The following COL4A5 variants were observed in gnomAD, a reference collection of about 807,000 sequenced individuals.
COL4A5 encodes collagen type IV alpha 5 chain, also known as collagen alpha-5(IV) chain.
Under a neutral mutation model 130.2 loss-of-function variants are expected in COL4A5, and 26 were observed. The ratio of observed to expected loss-of-function variants is 0.20; its 90% CI spans 0.15 to 0.28. The LOEUF (loss-of-function observed/expected upper bound fraction) is 0.28, where lower values mean the gene tolerates loss of function less well. Ranked by LOEUF, COL4A5 falls within the 10% of genes least tolerant of loss-of-function variation. The pLI, the probability that COL4A5 is intolerant of heterozygous loss-of-function variation, is 1.00. For missense variants in COL4A5, 1,131 were observed against 1,344.3 expected, an observed-to-expected ratio of 0.84 and a Z score of 2.48; for synonymous variants, 496 against 439.6, an observed-to-expected ratio of 1.13 and a Z score of -1.60.
chrX:108,638,572 A>C (rs2067396893), intron 36 of COL4A5, among the ~76,000 whole-genome samples: 1 of 111,934 alleles, frequency 8.9e-6, no homozygotes, highest in Non-Finnish European at 1.9e-5. Context: ...TAGCCAGACC[A>C]ATTAGGCAAG....
In COL4A5 at chrX:108,686,111, G is replaced by A; in HGVS notation, c.4297G>A (p.Gly1433Ser). The A allele has an allele frequency of 8.3e-7, 1 of 1,209,621 alleles. No homozygotes were observed. The highest frequency in any genetic ancestry group is 1.1e-6 in the Non-Finnish European group (1 of 894,106). ...TGCAGGAGGGCGCAAAGGAGACCCA[G>A]GTCTGCCAGGACAGCCAGGTAAGAC... Reference protein sequence around the residue: ...DGAGGRKGDPGLPGQPGTRGL... With the variant: ...DGAGGRKGDPSLPGQPGTRGL... The change falls in exon 48 of 53, where the codon GGT becomes AGT. Residue 1433 changes from glycine to serine, a missense_variant. By Grantham distance (56) the Gly-to-Ser change is moderately conservative. Coordinates refer to ENST00000328300, the MANE Select transcript of COL4A5 (RefSeq NM_033380.3).
At chrX:108,661,661 G>T (rs888999487) in intron 37 of COL4A5, among the ~76,000 whole-genome samples, 9 of 111,256 alleles carry the variant, frequency 8.1e-5, no homozygotes, top group African/African-American at 2.9e-4. Context: ...TATACTAAAT[G>T]ATATGGATAG....
At chrX:108,684,952 C>G (rs759887950) in intron 47 of COL4A5, among the ~76,000 whole-genome samples, 6 of 112,336 alleles carry the variant, frequency 5.3e-5, no homozygotes, top group Admixed American at 9.4e-5. Context: ...GTTCAACATA[C>G]ACAAATTAAT....
At chrX:108,659,582 G>C (rs1486203699) in intron 37 of COL4A5, among the ~76,000 whole-genome samples, 1 of 109,605 alleles carries the variant, frequency 9.1e-6, no homozygotes, top group African/African-American at 3.3e-5. Context: ...TTTTTATTAG[G>C]TATATATAAA....
Position 108,482,755 on chromosome X carries a change from C to T in COL4A5, c.81+42549C>T, listed in dbSNP as rs181928580. On this transcript the variant is annotated intron_variant, in intron 1 of 52. Transcript: ENST00000328300. ...CTCTACAAGGGCGAAGACTCTCACT[C>T]AGGACAATCTTAGCAGATTTGAGGC... Among the ~76,000 whole-genome samples the T allele has an allele frequency of 1.5e-3, 173 of 111,726 alleles. 1 individual carries two copies. Among genetic ancestry groups the T allele is most frequent in the Non-Finnish European group, 2.1e-3 (109 of 53,123 alleles).
chrX:108,679,051 C>T (rs770587066), intron 44 of COL4A5, among the ~76,000 whole-genome samples: 4 of 112,073 alleles, frequency 3.6e-5, no homozygotes, highest in Non-Finnish European at 7.5e-5. Context: ...AGCTGGAATA[C>T]TACATGAGTG....
chrX:108,478,689 A>T (rs1432833894), intron 1 of COL4A5, among the ~76,000 whole-genome samples: 1 of 111,939 alleles, frequency 8.9e-6, no homozygotes, highest in African/African-American at 3.2e-5. Flanking sequence ...TGCTTTAGCC[A>T]AAAAGTTAGT....
intron 1 of COL4A5, among the ~76,000 whole-genome samples, chrX:108,477,195 C>A (rs986586019): frequency 7.2e-5 from 8 of 111,800 alleles, no homozygotes; most frequent in African/African-American, 2.3e-4. Flanking sequence ...TGCTTTGTAT[C>A]CTTCAGTCGA....
At chrX:108,567,431 T>C (rs2065990793) in intron 4 of COL4A5, among the ~76,000 whole-genome samples, 1 of 112,330 alleles carries the variant, frequency 8.9e-6, no homozygotes, top group Non-Finnish European at 1.9e-5. Context: ...TCTTGCCATT[T>C]CCCTAGTGTT....
intron 21 of COL4A5, among the ~76,000 whole-genome samples, chrX:108,593,761 T>C (rs2066470492): frequency 8.9e-6 from 1 of 111,998 alleles, no homozygotes; most frequent in South Asian, 3.7e-4. Context: ...TTCTGTTCTG[T>C]TGTTTCATTA....
At chrX:108,631,953 C>G (rs1053763653) in intron 36 of COL4A5, among the ~76,000 whole-genome samples, 8 of 110,651 alleles carry the variant, frequency 7.2e-5, no homozygotes, top group Admixed American at 6.8e-4. Flanking sequence ...CAAAAGCTAG[C>G]AGAAGGCAGG....
intron 39 of COL4A5, among the ~76,000 whole-genome samples, 187 bp from the exon 40 acceptor site, chrX:108,666,946 A>G (rs1219123466): frequency 8.9e-6 from 1 of 112,545 alleles, no homozygotes; most frequent in African/African-American, 3.2e-5. Flanking sequence ...GAAATAGAAT[A>G]TATGTTTAGA....
chrX:108,696,112 A>G lies in COL4A5; in HGVS notation c.4995-185A>G, dbSNP rs901037662. ...TGGGGAGAATCGTTACAAAATATCT[A>G]TGACCACTAATGGCTCTTAAACCAT... On this transcript the variant is annotated intron_variant, in intron 52 of 52. Transcript: ENST00000328300. The G allele has an allele frequency of 5.6e-5, 24 of 426,551 alleles. No homozygotes were observed. The South Asian group carries it at 8.5e-4, about 15-fold the overall frequency. The allele number at this position is 426,551 out of a possible 1,213,427, so 35.2% of individuals were successfully genotyped here. A position where few individuals can be genotyped will look rare whatever the true frequency, so the allele number is the denominator to read the frequency against.
At chrX:108,557,185 A>G (rs1289948630) in intron 2 of COL4A5, among the ~76,000 whole-genome samples, 6 of 111,102 alleles carry the variant, frequency 5.4e-5, no homozygotes, top group Non-Finnish European at 7.5e-5. Context: ...ATGAAAATCT[A>G]CTGTAACTAG....
chrX:108,445,773 A>T (rs977050419), intron 1 of COL4A5, among the ~76,000 whole-genome samples: 9 of 111,984 alleles, frequency 8.0e-5, no homozygotes, highest in Non-Finnish European at 1.5e-4. Context: ...TGTTGATTTT[A>T]TATGGTAACA....
intron 1 of COL4A5, among the ~76,000 whole-genome samples, chrX:108,517,770 C>T (rs1391493763): frequency 5.4e-5 from 6 of 111,627 alleles, no homozygotes; most frequent in Non-Finnish European, 9.5e-5. Context: ...ATGCATGCTA[C>T]GGAAAAATCT....
chrX:108,521,429 A>G (rs975882801), intron 1 of COL4A5, among the ~76,000 whole-genome samples: 3 of 110,815 alleles, frequency 2.7e-5, no homozygotes, highest in Non-Finnish European at 5.7e-5. Context: ...AGGTTTGTCT[A>G]CCTTCTAGTA....
chrX:108,556,473 A>G lies in COL4A5; in HGVS notation c.142-2591A>G, dbSNP rs1291388575. On this transcript the variant is annotated intron_variant, in intron 2 of 52. Coordinates refer to ENST00000328300, the MANE Select transcript of COL4A5 (RefSeq NM_033380.3). ...GAAGATCAAAAAAGGAATCCAGTGT[A>G]ATACCAGTATTTAAAGGATAGGCAG... 2.8e-5 allele frequency among the ~76,000 whole-genome samples: 3 copies of G among 109,077 alleles called. No individual in the cohort carries two copies. The East Asian group carries it at 8.6e-4, about 31-fold the overall frequency. The allele number at this position is 109,077 out of a possible 115,157, so 94.7% of individuals were successfully genotyped here.
At chrX:108,559,029 A>C in intron 2 of COL4A5, 35 bp from the exon 3 acceptor site, 1 of 1,123,241 alleles carries the variant, frequency 8.9e-7, no homozygotes, top group Non-Finnish European at 1.2e-6. Context: ...GAAAATTCAC[A>C]AATGACCTTA....
Sources: gnomAD v4.1 joint callset for allele counts (sites outside exome capture counted in the v4.1 genomes callset) on GRCh38, gnomAD v4.1.1 for gene constraint, MANE v1.5 for transcripts, NCBI Gene and HGNC (gene_info 2026-07-23, HGNC 2026-07-21) for gene names.